The following TBXAS1 variants were observed in gnomAD, a reference collection of about 807,000 sequenced individuals.
The protein encoded by TBXAS1 is thromboxane A synthase 1.
TBXAS1 carries 48 observed loss-of-function variants against 60.7 expected under a neutral mutation model. The ratio of observed to expected loss-of-function variants is 0.79; its 90% CI spans 0.63 to 1.01. TBXAS1 has a LOEUF of 1.01. Among genes scored for constraint, TBXAS1 ranks in the 50% least tolerant of loss-of-function variants. The probability of loss-of-function intolerance (pLI) is 0.00; values close to 1 mark genes in which losing one functional copy is unlikely to be tolerated. For missense variants in TBXAS1, 685 were observed against 686.3 expected, an observed-to-expected ratio of 1.00 and a Z score of 0.02; for synonymous variants, 287 against 269.7, an observed-to-expected ratio of 1.06 and a Z score of -0.63.
intron 9 of TBXAS1, among the ~76,000 whole-genome samples, chr7:139,994,697 G>A (rs1813170355): frequency 6.6e-6 from 1 of 152,116 alleles, no homozygotes; most frequent in Non-Finnish European, 1.5e-5. Context: ...CCCAGACAAT[G>A]GCTCATTTAT....
chr7:139,869,645 T>A (rs1173459438), intron 1 of TBXAS1, among the ~76,000 whole-genome samples: 1 of 152,126 alleles, frequency 6.6e-6, no homozygotes, highest in Non-Finnish European at 1.5e-5. Context: ...TGCCTCAGCC[T>A]CCCAAAGTGC....
rs1815442208 is a variant in TBXAS1 at position 140,020,138 on chromosome 7, T to C, written c.*39T>C. Reference sequence around the variant, plus strand: ...CGGGTGGGGGGAGGGCACCCCCAAATTCAAAGAAAACCCTAAGTGTGGATG... The same window carrying C: ...CGGGTGGGGGGAGGGCACCCCCAAACTCAAAGAAAACCCTAAGTGTGGATG... On this transcript the variant is annotated 3_prime_UTR_variant, in exon 13 of 13. Transcript: ENST00000448866. The C allele has an allele frequency of 6.3e-7, 1 of 1,597,146 alleles. No homozygotes were observed. The highest frequency in any genetic ancestry group is 1.3e-5 in the African/African-American group (1 of 74,680).
intron 4 of TBXAS1, among the ~76,000 whole-genome samples, chr7:139,811,702 A>G (rs2116401818): frequency 6.6e-6 from 1 of 152,382 alleles, no homozygotes; most frequent in East Asian, 1.9e-4. Context: ...AGATGGAAAT[A>G]GAAAATGACC....
chr7:139,950,064 A>G (rs1357799550), intron 5 of TBXAS1, among the ~76,000 whole-genome samples: 1 of 64,362 alleles, frequency 1.6e-5, no homozygotes, highest in Non-Finnish European at 2.8e-5. Context: ...TTTTTTTTTG[A>G]GACGGAGTCT....
At chr7:139,846,514 C>T (rs917817232) in intron 1 of TBXAS1, among the ~76,000 whole-genome samples, 2 of 152,208 alleles carry the variant, frequency 1.3e-5, no homozygotes, top group Non-Finnish European at 2.9e-5. Flanking sequence ...GGTCAATAAA[C>T]ATTAGCTCTT....
intron 3 of TBXAS1, among the ~76,000 whole-genome samples, chr7:139,905,565 G>T (rs1052674338): frequency 5.3e-5 from 8 of 152,168 alleles, no homozygotes. Flanking sequence ...AAGGATATCG[G>T]TCTGTAGTTT....
chr7:139,854,251 G>A (rs1013980582), intron 1 of TBXAS1, among the ~76,000 whole-genome samples: 2 of 152,040 alleles, frequency 1.3e-5, no homozygotes, highest in African/African-American at 4.8e-5. Flanking sequence ...AGCCCAGAAC[G>A]GTGAAACGAC....
chr7:139,861,833 G>A (rs773741805), intron 1 of TBXAS1, among the ~76,000 whole-genome samples: 4 of 152,210 alleles, frequency 2.6e-5, no homozygotes, highest in Non-Finnish European at 4.4e-5. Context: ...AGGCAGGCTG[G>A]TTCCTTCTGG....
chr7:139,846,471 G>T (rs1213867842), intron 1 of TBXAS1, among the ~76,000 whole-genome samples: 1 of 152,182 alleles, frequency 6.6e-6, no homozygotes, highest in Non-Finnish European at 1.5e-5. Context: ...AAGAACATAA[G>T]GTGGACTTAG....
rs1376667457 is a variant in TBXAS1, at chr7:139,868,273, A to G, written c.90-3962A>G. On this transcript the variant is annotated intron_variant, in intron 1 of 12. Transcript: ENST00000448866. ...CCTCCTGCACTTTTTTAAATGGCAC[A>G]GGACTTAATAACACAATTTGACATA... is the stretch of plus-strand genomic sequence containing the variant. Among the ~76,000 whole-genome samples the G allele has an allele frequency of 2.0e-5, 3 of 152,212 alleles. 1 individual carries two copies. In the Middle Eastern group the frequency reaches 9.5e-3, roughly 482 times the overall value.
At chr7:139,850,985 C>G (rs938869634) in intron 1 of TBXAS1, among the ~76,000 whole-genome samples, 1 of 152,148 alleles carries the variant, frequency 6.6e-6, no homozygotes, top group Non-Finnish European at 1.5e-5. Context: ...TTTAAGCCAC[C>G]CGGTTTGTGG....
intron 3 of TBXAS1, among the ~76,000 whole-genome samples, chr7:139,877,243 TC>T (rs1424910036): frequency 6.6e-6 from 1 of 152,158 alleles, no homozygotes; most frequent in Non-Finnish European, 1.5e-5. Context: ...CAACCCTGCT[TC>T]ACTCCCTAAG....
intron 4 of TBXAS1, chr7:139,913,097 C>T (rs1055117105): frequency 1.7e-5 from 12 of 702,434 alleles, no homozygotes; most frequent in Middle Eastern, 2.3e-4. Flanking sequence ...CCAGACATCA[C>T]GTGGCCTCTA....
rs367565707 is a variant in TBXAS1 at position 139,903,572 on chromosome 7, G to A, written c.237-7653G>A. ...TTACAGTCCCACCAGCAGGGTAGAA[G>A]TGCTCCCTGATCACTGCATCCACGC... On this transcript the variant is annotated intron_variant, in intron 3 of 12. Coordinates refer to ENST00000448866, the MANE Select transcript of TBXAS1 (RefSeq NM_001061.7). Among the ~76,000 whole-genome samples the A allele has an allele frequency of 1.2e-4, 18 of 152,150 alleles. No individual in the cohort carries two copies. In the South Asian group the frequency reaches 3.7e-3, roughly 32 times the overall value.
At chr7:139,851,972 T>A (rs184145489) in intron 1 of TBXAS1, among the ~76,000 whole-genome samples, 1 of 152,332 alleles carries the variant, frequency 6.6e-6, no homozygotes, top group East Asian at 1.9e-4. Flanking sequence ...CATCTTGGGC[T>A]CGCTCTCTCC....
At chr7:139,950,652 C>CGGG (rs1809135227) in intron 5 of TBXAS1, among the ~76,000 whole-genome samples, 1 of 151,742 alleles carries the variant, frequency 6.6e-6, no homozygotes, top group Admixed American at 6.6e-5. Flanking sequence ...CTTTGATCTA[C>CGGG]AGGACTCCCT....
At chr7:139,922,667 A>G (rs1225030557) in intron 4 of TBXAS1, among the ~76,000 whole-genome samples, 1 of 152,098 alleles carries the variant, frequency 6.6e-6, no homozygotes, top group Admixed American at 6.5e-5. Flanking sequence ...CTTTTGTGGT[A>G]TTGCTTTTGG....
At chr7:140,019,552 G>T (rs552409044) in intron 12 of TBXAS1, among the ~76,000 whole-genome samples, 2 of 152,094 alleles carry the variant, frequency 1.3e-5, no homozygotes, top group Non-Finnish European at 2.9e-5. Context: ...CAGGAGACAC[G>T]TACAGCCCCA....
chr7:139,968,705 C>T (rs980928052), intron 9 of TBXAS1, among the ~76,000 whole-genome samples: 1 of 152,210 alleles, frequency 6.6e-6, no homozygotes, highest in Non-Finnish European at 1.5e-5. Flanking sequence ...CCTCTTGTCC[C>T]ACCATCAAAA....
Sources: gnomAD v4.1 joint callset for allele counts (sites outside exome capture counted in the v4.1 genomes callset) on GRCh38, gnomAD v4.1.1 for gene constraint, MANE v1.5 for transcripts, NCBI Gene and HGNC (gene_info 2026-07-23, HGNC 2026-07-21) for gene names.